LRPPRC: variants seen among roughly 807,000 people sequenced by gnomAD.
LRPPRC encodes the protein leucine-rich PPR motif-containing protein, mitochondrial.
A neutral mutation model predicts 180.3 loss-of-function variants in LRPPRC; 120 were observed. The observed-to-expected ratio is 0.67, with a 90% CI of 0.57 to 0.77. The LOEUF (loss-of-function observed/expected upper bound fraction) is 0.77, where lower values mean the gene tolerates loss of function less well. Among genes scored for constraint, LRPPRC ranks in the 30% least tolerant of loss-of-function variants. The pLI, the probability that LRPPRC is intolerant of heterozygous loss-of-function variation, is 0.00. For synonymous variants in LRPPRC, 723 were observed against 600.0 expected, an observed-to-expected ratio of 1.21 and a Z score of -3.00; for missense variants, 2,012 against 1,657.2, an observed-to-expected ratio of 1.21 and a Z score of -3.72.
At chr2:43,906,151 T>A (rs533811019) in intron 30 of LRPPRC, among the ~76,000 whole-genome samples, 1 of 152,322 alleles carries the variant, frequency 6.6e-6, no homozygotes, top group Admixed American at 6.5e-5. Flanking sequence ...ACAGTAATTA[T>A]AAAATGTAAA....
intron 23 of LRPPRC, among the ~76,000 whole-genome samples, chr2:43,941,868 TAAAAAC>T (rs773725122): frequency 3.5e-4 from 36 of 101,838 alleles, no homozygotes; most frequent in Non-Finnish European, 6.8e-4. Flanking sequence ...ACTAGGCAAA[TAAAAAC>T]AGAATTAAAA....
At chr2:43,980,023 G>A in intron 2 of LRPPRC, 75 bp from the exon 3 acceptor site, 1 of 1,430,054 alleles carries the variant, frequency 7.0e-7, no homozygotes, top group South Asian at 1.2e-5. Context: ...AATTTAAACA[G>A]AAATCTATAA....
At chr2:43,892,495 T>C (rs1670525877) in intron 36 of LRPPRC, among the ~76,000 whole-genome samples, 1 of 152,200 alleles carries the variant, frequency 6.6e-6, no homozygotes, top group South Asian at 2.1e-4. Context: ...AAGCCTGCTG[T>C]AGAGACCTAC....
rs149920786 is a variant in LRPPRC, at chr2:43,898,979, G to A, written c.3825+240C>T. ...CATACCTACCCCCGCACCACCCGCCGCTCCCCGCTACCTCAATTCTAAAGA... is the reference window on the plus strand; with the variant it reads ...CATACCTACCCCCGCACCACCCGCCACTCCCCGCTACCTCAATTCTAAAGA... On this transcript the variant is annotated intron_variant, in intron 34 of 37. Transcript: ENST00000260665. 2.2e-3 allele frequency among the ~76,000 whole-genome samples: 340 copies of A among 152,052 alleles called. 1 individual carries two copies. Among genetic ancestry groups the A allele is most frequent in the East Asian group, 8.9e-3 (46 of 5,180 alleles).
Position 43,938,286 on chromosome 2 carries a change from A to C in LRPPRC, c.2505-3408T>G, listed in dbSNP as rs139796531. On this transcript the variant is annotated intron_variant, in intron 23 of 37. Transcript: ENST00000260665. Reference sequence around the variant, plus strand: ...TAATAAAAAGTAAGCAATCATTTTAAAAAGCAGTATTTTGTTTGGTGCAAA... The same window carrying C: ...TAATAAAAAGTAAGCAATCATTTTACAAAGCAGTATTTTGTTTGGTGCAAA... Among the ~76,000 whole-genome samples the C allele has an allele frequency of 4.6e-4, 70 of 152,294 alleles. No homozygotes were observed. In the East Asian group the frequency reaches 0.014, roughly 29 times the overall value.
At chr2:43,944,168 G>A (rs962761365) in intron 22 of LRPPRC, among the ~76,000 whole-genome samples, 1 of 152,050 alleles carries the variant, frequency 6.6e-6, no homozygotes, top group South Asian at 2.1e-4. Flanking sequence ...CCCTATAGCT[G>A]TAAGATCCTC....
chr2:43,890,486 G>A (rs1558886176), intron 36 of LRPPRC: 1 of 342,248 alleles, frequency 2.9e-6, no homozygotes, highest in Non-Finnish European at 6.1e-6. Context: ...GGCCGAGGTA[G>A]GCGGATCACG....
chr2:43,989,860 A>T (rs529398568), intron 1 of LRPPRC, among the ~76,000 whole-genome samples: 1 of 152,344 alleles, frequency 6.6e-6, no homozygotes, highest in African/African-American at 2.4e-5. Flanking sequence ...CCTAATTTGT[A>T]ATAACCCACG....
intron 16 of LRPPRC, 53 bp from the exon 17 acceptor site, chr2:43,948,571 G>A (rs1672783794): frequency 4.5e-6 from 4 of 883,374 alleles, no homozygotes; most frequent in East Asian, 2.4e-5. Context: ...AGACTGTCAT[G>A]TTATCAAGAT....
chr2:43,996,027 G>C, upstream of LRPPRC: 1 of 1,444,112 alleles, frequency 6.9e-7, no homozygotes, highest in African/African-American at 1.5e-5. Context: ...AGCCTGGCGC[G>C]GCAGAGACCA....
intron 2 of LRPPRC, 46 bp downstream of exon 2, chr2:43,982,192 G>A (rs533040704): frequency 1.4e-6 from 2 of 1,413,904 alleles, no homozygotes; most frequent in Admixed American, 2.2e-5. Context: ...CTGAGCCACT[G>A]TGACCAGCCA....
chr2:43,904,524 C>G (rs1160902373), intron 31 of LRPPRC: 1 of 151,606 alleles, frequency 6.6e-6, no homozygotes, highest in African/African-American at 2.4e-5. Flanking sequence ...GAAACCCTGT[C>G]TCTACTGAAA....
intron 6 of LRPPRC, among the ~76,000 whole-genome samples, 158 bp from the exon 7 acceptor site, chr2:43,975,375 T>G (rs946894039): frequency 1.3e-5 from 2 of 152,196 alleles, no homozygotes; most frequent in Non-Finnish European, 2.9e-5. Flanking sequence ...GATATATGTT[T>G]CTGAAATAAT....
chr2:43,950,511 C>T, intron 15 of LRPPRC, 62 bp downstream of exon 15: 1 of 1,364,992 alleles, frequency 7.3e-7, no homozygotes, highest in Non-Finnish European at 1.0e-6. Flanking sequence ...TATTACATAA[C>T]CTATGGTATT....
chr2:43,942,838 C>A (rs186732573), intron 23 of LRPPRC, among the ~76,000 whole-genome samples: 250 of 152,174 alleles, frequency 1.6e-3, no homozygotes, highest in African/African-American at 5.6e-3. Flanking sequence ...AAATTAGTAT[C>A]TTTTCATTTT....
At chr2:43,934,070 G>A (rs1192183073) in intron 25 of LRPPRC, 120 bp downstream of exon 25, 2 of 669,906 alleles carry the variant, frequency 3.0e-6, no homozygotes, top group Non-Finnish European at 5.4e-6. Context: ...CAACATTACT[G>A]GGATTGAATT....
At chr2:43,962,703 GA>G (rs1053997463) in intron 12 of LRPPRC, among the ~76,000 whole-genome samples, 2 of 152,096 alleles carry the variant, frequency 1.3e-5, no homozygotes. Flanking sequence ...ACTTCTGGTA[GA>G]AAAACAAAGG....
At chr2:43,986,510 C>T (rs1281828436) in intron 1 of LRPPRC, among the ~76,000 whole-genome samples, 1 of 152,118 alleles carries the variant, frequency 6.6e-6, no homozygotes, top group African/African-American at 2.4e-5. Context: ...CACTTTAGAG[C>T]TATCAAGAGT....
At position 43,897,221 on chromosome 2, in the gene LRPPRC, T is replaced by C. The variant is rs1191185884; in HGVS notation, c.3826-513A>G. On this transcript the variant is annotated intron_variant, in intron 34 of 37. Transcript: ENST00000260665. ...GACTGATTTCAATCTCTCTATTTTA[T>C]AAAAGGCTTTCACTGCAACAGACAG... 4.6e-5 allele frequency among the ~76,000 whole-genome samples: 7 copies of C among 152,088 alleles called. No individual in the cohort carries two copies. The South Asian group carries it at 1.2e-3, about 27-fold the overall frequency.
Sources: allele counts gnomAD v4.1 joint callset (sites outside exome capture counted in the v4.1 genomes callset), GRCh38; gene constraint gnomAD v4.1.1; transcripts MANE v1.5; gene names NCBI Gene and HGNC (gene_info 2026-07-23, HGNC 2026-07-21).